The following FSIP2 variants were observed in gnomAD, a reference collection of about 807,000 sequenced individuals.
FSIP2 encodes fibrous sheath-interacting protein 2.
A neutral mutation model predicts 510.5 loss-of-function variants in FSIP2; 367 were observed. That is an observed-to-expected ratio of 0.72 (90% confidence interval 0.66 to 0.78). The LOEUF (loss-of-function observed/expected upper bound fraction) is 0.78. Among genes scored for constraint, FSIP2 ranks in the 30% least tolerant of loss-of-function variants. The pLI is 0.00. For synonymous variants in FSIP2, 2,601 were observed against 2,732.2 expected (o/e 0.95, Z 1.50); for missense variants, 7,594 against 7,901.7 (o/e 0.96, Z 1.48).
chr2:185,778,619 C>A (rs1185056985), intron 13 of FSIP2, among the ~76,000 whole-genome samples: 1 of 151,714 alleles, frequency 6.6e-6, no homozygotes, highest in East Asian at 1.9e-4. Context: ...CTTTATGATA[C>A]CAACCATAAA....
intron 14 of FSIP2, among the ~76,000 whole-genome samples, chr2:185,785,670 C>A (rs1043815710): frequency 1.3e-5 from 2 of 151,910 alleles, no homozygotes; most frequent in African/African-American, 4.8e-5. Context: ...TCTAACAACA[C>A]ATGATAGAAT....
At chr2:185,797,575 A>C in intron 16 of FSIP2, 49 bp downstream of exon 16, 1 of 1,461,246 alleles carries the variant, frequency 6.8e-7, no homozygotes, top group Non-Finnish European at 9.0e-7. Flanking sequence ...TAGGAAGAAA[A>C]CCAGTAAAAG....
In FSIP2 at chr2:185,762,740, C is replaced by T. The variant is rs566219792; in HGVS notation, c.1241-443C>T. ...TTGTTTTCTCCATTCTTCACTATTG[C>T]AGTAATCTTCCTCCAATTTCATCTT... is the stretch of plus-strand genomic sequence containing the variant. On this transcript the variant is annotated intron_variant, in intron 11 of 22. Coordinates refer to ENST00000424728, the MANE Select transcript of FSIP2 (RefSeq NM_173651.4). Among the ~76,000 whole-genome samples, 4 of 151,480 alleles carry T rather than the reference C, an allele frequency of 2.6e-5. 1 individual carries two copies. The South Asian group carries it at 8.3e-4, about 31-fold the overall frequency.
At chr2:185,779,482 ATCAC>A (rs1692796971) in intron 13 of FSIP2, among the ~76,000 whole-genome samples, 1 of 152,120 alleles carries the variant, frequency 6.6e-6, no homozygotes, top group Non-Finnish European at 1.5e-5. Context: ...AGATCTATCA[ATCAC>A]TCAAACATTT....
chr2:185,781,417 C>CTT (rs1692846644), intron 13 of FSIP2, among the ~76,000 whole-genome samples: 1 of 152,192 alleles, frequency 6.6e-6, no homozygotes, highest in South Asian at 2.1e-4. Flanking sequence ...GCATTTCCAA[C>CTT]TTAACATATT....
At position 185,808,254 on chromosome 2, in the gene FSIP2, C is replaced by A; in HGVS notation, c.18948C>A (p.Val6316=). The change falls in exon 17 of 23, where the codon GTC becomes GTA. Residue 6316 remains valine, a synonymous_variant. Coordinates refer to ENST00000424728, the MANE Select transcript of FSIP2 (RefSeq NM_173651.4). The part of the protein sequence containing the change: ...VSNSELVLEA[V]KIMEKVIKII... ...ATTCAGAATTAGTTCTGGAAGCTGT[C>A]AAAATTATGGAAAAAGTGATCAAAA... 6.2e-7 allele frequency: 1 copy of A among 1,600,702 alleles called. No individual in the cohort carries two copies. The highest frequency in any genetic ancestry group is 8.5e-7 in the Non-Finnish European group (1 of 1,175,564).
At position 185,794,162 on chromosome 2, in the gene FSIP2, C is replaced by G. The variant is rs1693210826; in HGVS notation, c.7026C>G (p.His2342Gln). The change falls in exon 16 of 23, where the codon CAC becomes CAG. Residue 2342 changes from histidine (H) to glutamine (Q), a missense_variant. Coordinates refer to ENST00000424728, the MANE Select transcript of FSIP2 (RefSeq NM_173651.4). ...GRREKLGSTI[H>Q]LSQARLKTYA... Reference sequence around the variant, plus strand: ...GAGAAAAACTTGGATCCACAATTCACCTATCGCAAGCTAGGCTTAAGACAT... The same window carrying G: ...GAGAAAAACTTGGATCCACAATTCAGCTATCGCAAGCTAGGCTTAAGACAT... The G allele has an allele frequency of 1.3e-6, 2 of 1,533,772 alleles. No individual in the cohort carries two copies. The highest frequency in any genetic ancestry group is 1.7e-6 in the Non-Finnish European group (2 of 1,145,486).
chr2:185,797,566 A>G (rs2105630434), intron 16 of FSIP2, 40 bp downstream of exon 16: 1 of 1,466,704 alleles, frequency 6.8e-7, no homozygotes, highest in Admixed American at 2.8e-5. Context: ...TGCATGATTT[A>G]GGAAGAAAAC....
intron 19 of FSIP2, among the ~76,000 whole-genome samples, chr2:185,821,119 T>C (rs1311456646): frequency 6.9e-6 from 1 of 145,162 alleles, no homozygotes; most frequent in African/African-American, 2.6e-5. Flanking sequence ...AGAGGTAAAA[T>C]AGCAACTGAG....
At chr2:185,765,416 CTTGT>C (rs1692449750) in intron 13 of FSIP2, 1 of 151,938 alleles carries the variant, frequency 6.6e-6, no homozygotes, top group Non-Finnish European at 1.5e-5. Flanking sequence ...TTCCCCATTG[CTTGT>C]TTTTCTCAGG....
intron 14 of FSIP2, among the ~76,000 whole-genome samples, chr2:185,785,606 C>G (rs1481581742): frequency 6.6e-6 from 1 of 151,782 alleles, no homozygotes; most frequent in African/African-American, 2.4e-5. Context: ...TTGAGCTATT[C>G]TTTTTTGCAA....
At chr2:185,740,834 C>A (rs534934202) in intron 2 of FSIP2, among the ~76,000 whole-genome samples, 203 of 152,144 alleles carry the variant, frequency 1.3e-3, no homozygotes, top group African/African-American at 4.4e-3. Flanking sequence ...AATTATCCCC[C>A]AAGGCCCCAG....
At chr2:185,739,070 A>G (rs1039384100) in intron 1 of FSIP2, 77 bp downstream of exon 1, 5 of 1,444,400 alleles carry the variant, frequency 3.5e-6, no homozygotes, top group Non-Finnish European at 4.6e-6. Flanking sequence ...GGATCGCCAC[A>G]CACGGGTCGC....
chr2:185,806,104 C>T lies in FSIP2; in HGVS notation c.16798C>T (p.Leu5600Phe), dbSNP rs1226050146. ...IDDTEYEKEV[L>F]GSDSEIGYKK... Reference sequence around the variant, plus strand: ...TGATACAGAATATGAGAAGGAAGTACTTGGATCAGATTCTGAAATAGGCTA... The same window carrying T: ...TGATACAGAATATGAGAAGGAAGTATTTGGATCAGATTCTGAAATAGGCTA... Residue 5600 changes from leucine to phenylalanine, a missense_variant, in exon 17 of 23, where the codon CTT (leucine) becomes TTT (phenylalanine). By Grantham distance (22) the Leu-to-Phe change is conservative. Transcript: ENST00000424728. The T allele has an allele frequency of 1.9e-6, 3 of 1,576,072 alleles. No individual in the cohort carries two copies. The African/African-American group carries it at 4.1e-5, about 22-fold the overall frequency.
Position 185,794,858 on chromosome 2 carries a change from T to G in FSIP2, c.7722T>G (p.Asn2574Lys). ...SRTEVEISDH[N>K]DSLLMKPLRF... ...CAGAAGTTGAAATATCTGACCACAA[T>G]GATTCCTTACTAATGAAACCATTAA... Residue 2574 changes from asparagine to lysine, a missense_variant, in exon 16 of 23, where the codon AAT (asparagine) becomes AAG (lysine). Asn to Lys is a moderately conservative substitution (Grantham distance 94). Coordinates refer to ENST00000424728, the MANE Select transcript of FSIP2 (RefSeq NM_173651.4). 6.5e-7 allele frequency: 1 copy of G among 1,533,200 alleles called. No individual in the cohort carries two copies. Among genetic ancestry groups the G allele is most frequent in the Non-Finnish European group, 8.7e-7 (1 of 1,144,954 alleles). 95.0% of individuals were successfully genotyped at this position (1,533,200 alleles called of 1,614,324 possible). A position where few individuals can be genotyped will look rare whatever the true frequency, so the allele number is the denominator to read the frequency against.
chr2:185,743,842 T>C (rs1488465860), intron 3 of FSIP2, among the ~76,000 whole-genome samples: 6 of 152,174 alleles, frequency 3.9e-5, no homozygotes, highest in Admixed American at 1.3e-4. Context: ...GTAATATGTA[T>C]ATATTTTTTA....
Position 185,760,994 on chromosome 2 carries a change from C to T in FSIP2, c.1085C>T (p.Thr362Ile). 1 of 1,411,006 alleles carries T rather than the reference C, an allele frequency of 7.1e-7. No homozygotes were observed. The highest frequency in any genetic ancestry group is 9.5e-7 in the Non-Finnish European group (1 of 1,057,102). 87.4% of individuals were successfully genotyped at this position (1,411,006 alleles called of 1,614,324 possible). Residue 362 changes from threonine (T) to isoleucine (I), a missense_variant, in exon 10 of 23, where the codon ACA (threonine) becomes ATA (isoleucine). Physicochemically the swap from Thr to Ile is moderately conservative, Grantham distance 89. Coordinates refer to ENST00000424728, the MANE Select transcript of FSIP2 (RefSeq NM_173651.4). ...CTCTCTCGTTTTCTTTTAGGACATA[C>T]AGCAAATGCTGCTCATCAGCGTCAA... The part of the protein sequence containing the change: ...QNTYKETHGH[T>I]ANAAHQRQNS...
chr2:185,777,009 C>G (rs185288869), intron 13 of FSIP2, among the ~76,000 whole-genome samples: 37 of 152,284 alleles, frequency 2.4e-4, no homozygotes, highest in Admixed American at 1.9e-3. Context: ...CAGGCGTGAG[C>G]CACCGTGCCT....
Position 185,789,445 on chromosome 2 carries a change from T to C in FSIP2, c.2309T>C (p.Val770Ala), listed in dbSNP as rs768759262. 2.7e-5 allele frequency: 42 copies of C among 1,534,552 alleles called. No homozygotes were observed. Among genetic ancestry groups the C allele is most frequent in the Non-Finnish European group, 3.3e-5 (38 of 1,145,854 alleles). Residue 770 changes from valine to alanine, a missense_variant, in exon 16 of 23, where the codon GTT becomes GCT. By Grantham distance (64) the Val-to-Ala change is moderately conservative. Transcript: ENST00000424728. ...ATGCTTGAGAAGTTAGAGTCTGCAG[T>C]TGAGAAAAAATGTGTTGAGATGTTT... ...ENMLEKLESA[V>A]EKKCVEMFSQ...
Sources: gnomAD v4.1 joint callset for allele counts (sites outside exome capture counted in the v4.1 genomes callset) on GRCh38, gnomAD v4.1.1 for gene constraint, MANE v1.5 for transcripts, NCBI Gene and HGNC (gene_info 2026-07-23, HGNC 2026-07-21) for gene names.